DPYSL3: variants seen among roughly 807,000 people sequenced by gnomAD.
DPYSL3 encodes the protein dihydropyrimidinase like 3.
In DPYSL3, 16 loss-of-function variants were observed where a neutral mutation model predicts 66.1. The observed-to-expected ratio is 0.24, with a 90% CI of 0.16 to 0.37. DPYSL3 has a LOEUF of 0.37. Among genes scored for constraint, DPYSL3 ranks in the 10% least tolerant of loss-of-function variants. The pLI, the probability that DPYSL3 is intolerant of heterozygous loss-of-function variation, is 1.00. For synonymous variants in DPYSL3, 338 were observed against 345.1 expected, an observed-to-expected ratio of 0.98 and a Z score of 0.23; for missense variants, 738 against 916.2, an observed-to-expected ratio of 0.81 and a Z score of 2.51.
At chr5:147,460,420 C>T (rs141157274) in intron 1 of DPYSL3, among the ~76,000 whole-genome samples, 1 of 152,256 alleles carries the variant, frequency 6.6e-6, no homozygotes, top group Non-Finnish European at 1.5e-5. Context: ...TAGTGTGTAC[C>T]ATTCCCCAAA....
At chr5:147,433,005 T>C (rs747235959) in intron 1 of DPYSL3, among the ~76,000 whole-genome samples, 1 of 152,178 alleles carries the variant, frequency 6.6e-6, no homozygotes, top group East Asian at 1.9e-4. Flanking sequence ...GAGAAACTAG[T>C]AGTAAACGGA....
At chr5:147,470,419 G>A (rs1043802493) in intron 1 of DPYSL3, among the ~76,000 whole-genome samples, 6 of 152,018 alleles carry the variant, frequency 3.9e-5, no homozygotes, top group Admixed American at 1.3e-4. Context: ...GGAAACCCGG[G>A]TCTCAGTGCT....
At chr5:147,481,792 C>T in intron 1 of DPYSL3, among the ~76,000 whole-genome samples, 1 of 152,188 alleles carries the variant, frequency 6.6e-6, no homozygotes, top group East Asian at 1.9e-4. Context: ...AAGGGCCTTG[C>T]TAGATGCCAG....
chr5:147,456,581 A>ATTTTTTTT (rs985633099), intron 1 of DPYSL3, among the ~76,000 whole-genome samples: 1 of 80,320 alleles, frequency 1.2e-5, no homozygotes, highest in African/African-American at 5.4e-5. Context: ...TACTGATTCT[A>ATTTTTTTT]TTTTTTTTTT....
chr5:147,391,904 T>C lies in DPYSL3; in HGVS notation c.*2131A>G, dbSNP rs1757819725. 2 of 152,156 alleles carry C rather than the reference T, an allele frequency of 1.3e-5. No individual in the cohort carries two copies. Among genetic ancestry groups the C allele is most frequent in the Admixed American group, 6.5e-5 (1 of 15,274 alleles). 9.4% of individuals were successfully genotyped at this position (152,156 alleles called of 1,614,324 possible). A position where few individuals can be genotyped will look rare whatever the true frequency, so the allele number is the denominator to read the frequency against. On this transcript the variant is annotated 3_prime_UTR_variant, in exon 14 of 14. Transcript: ENST00000343218. Reference sequence around the variant, plus strand: ...TCCCAAGGGCAGTGCGGATGACCGATTTGGCCATGGAAGACTTATCTTCAT... The same window carrying C: ...TCCCAAGGGCAGTGCGGATGACCGACTTGGCCATGGAAGACTTATCTTCAT...
chr5:147,483,250 C>T (rs994764640), intron 1 of DPYSL3, among the ~76,000 whole-genome samples: 5 of 152,164 alleles, frequency 3.3e-5, no homozygotes, highest in African/African-American at 9.7e-5. Context: ...GAGCTTTCAG[C>T]GAATGCTTTT....
At chr5:147,486,976 G>C (rs1288133787) in intron 1 of DPYSL3, among the ~76,000 whole-genome samples, 3 of 152,116 alleles carry the variant, frequency 2.0e-5, no homozygotes, top group Admixed American at 6.6e-5. Flanking sequence ...CATGTTTTAA[G>C]GGTAAGTGAG....
chr5:147,471,516 T>C (rs1333517940), intron 1 of DPYSL3, among the ~76,000 whole-genome samples: 1 of 152,138 alleles, frequency 6.6e-6, no homozygotes, highest in Non-Finnish European at 1.5e-5. Flanking sequence ...CAATTTCCAA[T>C]TGGAAAGAAT....
chr5:147,398,628 G>A (rs563811242), intron 11 of DPYSL3, among the ~76,000 whole-genome samples: 1 of 152,144 alleles, frequency 6.6e-6, no homozygotes, highest in Non-Finnish European at 1.5e-5. Context: ...AGTCATCACT[G>A]CTGTTTACCA....
chr5:147,424,841 C>A (rs760892997), intron 2 of DPYSL3, 34 bp downstream of exon 2: 1 of 1,505,148 alleles, frequency 6.6e-7, no homozygotes, highest in Non-Finnish European at 9.1e-7. Context: ...GGAGGAAGTG[C>A]AAAACAATAA....
At chr5:147,405,303 A>G (rs1581175855) in intron 8 of DPYSL3, among the ~76,000 whole-genome samples, 2 of 152,208 alleles carry the variant, frequency 1.3e-5, no homozygotes, top group East Asian at 3.9e-4. Flanking sequence ...CCGTTTATAA[A>G]ACTCAGACAA....
At chr5:147,437,753 T>C (rs956166469) in intron 1 of DPYSL3, among the ~76,000 whole-genome samples, 3 of 152,178 alleles carry the variant, frequency 2.0e-5, no homozygotes, top group Non-Finnish European at 4.4e-5. Flanking sequence ...GATGAATCAG[T>C]GCCAGTTAGC....
chr5:147,398,989 C>T (rs905864667), intron 11 of DPYSL3, 93 bp downstream of exon 11: 5 of 1,505,868 alleles, frequency 3.3e-6, no homozygotes, highest in Non-Finnish European at 3.6e-6. Context: ...CCTAGTCTAA[C>T]TACCCTGGCA....
chr5:147,474,923 T>C (rs1305300119), intron 1 of DPYSL3, among the ~76,000 whole-genome samples: 1 of 152,082 alleles, frequency 6.6e-6, no homozygotes, highest in South Asian at 2.1e-4. Flanking sequence ...TTTTTTGGAA[T>C]CTGGATTTTC....
chr5:147,470,293 C>G (rs1285867762), intron 1 of DPYSL3, among the ~76,000 whole-genome samples: 1 of 152,118 alleles, frequency 6.6e-6, no homozygotes, highest in Admixed American at 6.5e-5. Flanking sequence ...AATCTACTTT[C>G]TAGGGCACCT....
chr5:147,436,165 T>C (rs941310731), intron 1 of DPYSL3, among the ~76,000 whole-genome samples: 1 of 152,168 alleles, frequency 6.6e-6, no homozygotes, highest in African/African-American at 2.4e-5. Flanking sequence ...AGGCACACCA[T>C]ACACGGAGTA....
chr5:147,467,205 T>G (rs1753022779), intron 1 of DPYSL3, among the ~76,000 whole-genome samples: 1 of 152,198 alleles, frequency 6.6e-6, no homozygotes, highest in South Asian at 2.1e-4. Flanking sequence ...TCAAATTATT[T>G]GACTTTGGAA....
chr5:147,481,960 G>C (rs904124577), intron 1 of DPYSL3, among the ~76,000 whole-genome samples: 8 of 152,204 alleles, frequency 5.3e-5, no homozygotes, highest in African/African-American at 1.9e-4. Flanking sequence ...ACAGTGGGTT[G>C]TGTTACAGGA....
intron 1 of DPYSL3, among the ~76,000 whole-genome samples, chr5:147,461,010 C>A (rs1485156989): frequency 6.6e-6 from 1 of 152,150 alleles, no homozygotes; most frequent in African/African-American, 2.4e-5. Flanking sequence ...CTCATCAAGG[C>A]TTCCCTTCTA....
Sources: gnomAD v4.1 joint callset for allele counts (sites outside exome capture counted in the v4.1 genomes callset) on GRCh38, gnomAD v4.1.1 for gene constraint, MANE v1.5 for transcripts, NCBI Gene and HGNC (gene_info 2026-07-23, HGNC 2026-07-21) for gene names.